PRKCA: variants seen among roughly 807,000 people sequenced by gnomAD.
PRKCA encodes protein kinase C alpha type.
In PRKCA, 27 loss-of-function variants were observed where a neutral mutation model predicts 87.0. The ratio of observed to expected loss-of-function variants is 0.31; its 90% CI spans 0.23 to 0.43. The LOEUF is 0.43. PRKCA is among the 20% of genes least tolerant of loss of function. The pLI, the probability that PRKCA is intolerant of heterozygous loss-of-function variation, is 1.00. For missense variants in PRKCA, 518 were observed against 852.3 expected, an observed-to-expected ratio of 0.61 and a Z score of 4.88; for synonymous variants, 329 against 311.1, an observed-to-expected ratio of 1.06 and a Z score of -0.61.
intron 8 of PRKCA, among the ~76,000 whole-genome samples, chr17:66,717,817 G>A (rs1201547622): frequency 1.3e-5 from 2 of 152,234 alleles, no homozygotes; most frequent in Admixed American, 1.3e-4. Flanking sequence ...CTGACAGTCT[G>A]TGGTTCTGAG....
At chr17:66,544,845 G>A (rs1397709668) in intron 3 of PRKCA, among the ~76,000 whole-genome samples, 2 of 151,736 alleles carry the variant, frequency 1.3e-5, no homozygotes, top group African/African-American at 2.4e-5. Flanking sequence ...CACCCGCCTC[G>A]GCCTCCCAAA....
At chr17:66,613,553 C>G (rs1392084990) in intron 3 of PRKCA, among the ~76,000 whole-genome samples, 2 of 152,116 alleles carry the variant, frequency 1.3e-5, no homozygotes, top group Admixed American at 6.5e-5. Flanking sequence ...CCAGGCCATG[C>G]TTTGTGCGAG....
At chr17:66,712,592 G>A (rs139857311) in intron 8 of PRKCA, among the ~76,000 whole-genome samples, 1 of 152,212 alleles carries the variant, frequency 6.6e-6, no homozygotes, top group African/African-American at 2.4e-5. Flanking sequence ...CTAATGAAGG[G>A]CTGTCCCTGT....
Position 66,559,824 on chromosome 17 carries a change from T to C in PRKCA, c.288+63541T>C, listed in dbSNP as rs147871713. On this transcript the variant is annotated intron_variant, in intron 3 of 16. Transcript: ENST00000413366. ...TTTCCTTGTATGTGGACGGCTGTAATTGGGCCCCAGTCTCTCATGTGAAAA... is the reference window on the plus strand; with the variant it reads ...TTTCCTTGTATGTGGACGGCTGTAACTGGGCCCCAGTCTCTCATGTGAAAA... 6.6e-4 allele frequency among the ~76,000 whole-genome samples: 101 copies of C among 152,290 alleles called. 1 individual carries two copies. Among genetic ancestry groups the C allele is most frequent in the Non-Finnish European group, 1.2e-3 (85 of 68,006 alleles).
At chr17:66,353,356 C>CT (rs1907866686) in intron 2 of PRKCA, among the ~76,000 whole-genome samples, 1 of 152,070 alleles carries the variant, frequency 6.6e-6, no homozygotes, top group Non-Finnish European at 1.5e-5. Context: ...ATCCTTTAGA[C>CT]GGCAGATATA....
At chr17:66,698,996 A>G (rs1273432050) in intron 8 of PRKCA, among the ~76,000 whole-genome samples, 2 of 150,768 alleles carry the variant, frequency 1.3e-5, no homozygotes, top group African/African-American at 4.9e-5. Context: ...GAAAAAAAAA[A>G]TGTCTGCAAA....
intron 15 of PRKCA, 119 bp from the exon 16 acceptor site, chr17:66,788,720 G>A (rs1233655897): frequency 8.2e-7 from 1 of 1,213,454 alleles, no homozygotes; most frequent in East Asian, 2.4e-5. Context: ...TCAGCTCTCT[G>A]AGATGCTGTC....
At chr17:66,738,340 C>A (rs1974085381) in intron 10 of PRKCA, among the ~76,000 whole-genome samples, 1 of 152,190 alleles carries the variant, frequency 6.6e-6, no homozygotes, top group East Asian at 1.9e-4. Context: ...TGGCACGCCT[C>A]CCAGACACTG....
intron 3 of PRKCA, chr17:66,640,789 G>T: frequency 3.0e-6 from 1 of 331,756 alleles, no homozygotes; most frequent in South Asian, 2.3e-5. Context: ...AGCTCCAGAA[G>T]TAATAGCTTT....
intron 2 of PRKCA, among the ~76,000 whole-genome samples, chr17:66,414,669 CT>C (rs1912030775): frequency 6.6e-6 from 1 of 152,006 alleles, no homozygotes; most frequent in Admixed American, 6.5e-5. Context: ...CCTTTTAGGA[CT>C]TTTGCTACTA....
intron 3 of PRKCA, among the ~76,000 whole-genome samples, chr17:66,569,207 G>C (rs768201010): frequency 2.0e-5 from 3 of 152,150 alleles, no homozygotes; most frequent in South Asian, 2.1e-4. Context: ...ATCAAAGAAT[G>C]AAAGGTAGAC....
chr17:66,539,270 A>G (rs1308944191), intron 3 of PRKCA, among the ~76,000 whole-genome samples: 1 of 152,218 alleles, frequency 6.6e-6, no homozygotes, highest in East Asian at 1.9e-4. Context: ...CTTTGGGTGG[A>G]GGATATTGTT....
chr17:66,418,601 T>C (rs1189419914), intron 2 of PRKCA, among the ~76,000 whole-genome samples: 1 of 151,764 alleles, frequency 6.6e-6, no homozygotes. Context: ...CACGCCTGGC[T>C]AATTTTTGTA....
intron 5 of PRKCA, among the ~76,000 whole-genome samples, chr17:66,661,471 C>T (rs1430040735): frequency 1.3e-5 from 2 of 152,212 alleles, no homozygotes; most frequent in Non-Finnish European, 2.9e-5. Flanking sequence ...TCCTTTCCTT[C>T]AACCACCTTG....
chr17:66,367,614 T>C (rs1908810760), intron 2 of PRKCA, among the ~76,000 whole-genome samples: 1 of 152,184 alleles, frequency 6.6e-6, no homozygotes, highest in African/African-American at 2.4e-5. Context: ...GGTAAAATGG[T>C]CTCATCAGGT....
chr17:66,643,286 G>T (rs965063933), intron 4 of PRKCA, among the ~76,000 whole-genome samples: 2 of 152,158 alleles, frequency 1.3e-5, no homozygotes, highest in African/African-American at 4.8e-5. Flanking sequence ...GAAGCATGCC[G>T]TTAGACACGG....
chr17:66,737,388 G>A (rs1270418360), intron 10 of PRKCA, among the ~76,000 whole-genome samples: 2 of 152,066 alleles, frequency 1.3e-5, no homozygotes, highest in African/African-American at 4.8e-5. Flanking sequence ...AAACATAGAT[G>A]TTTAGATGCC....
chr17:66,692,416 T>C (rs1288981732), intron 8 of PRKCA, among the ~76,000 whole-genome samples: 2 of 152,196 alleles, frequency 1.3e-5, no homozygotes, highest in Admixed American at 1.3e-4. Flanking sequence ...CATATTCAGA[T>C]CTGATTTTAG....
chr17:66,650,357 G>GT (rs61166214), intron 5 of PRKCA, among the ~76,000 whole-genome samples: 39,147 of 150,384 alleles, frequency 0.26, 5,121 homozygotes, highest in African/African-American at 0.28. Context: ...TGGTGTCGGG[G>GT]TTTTTTTTTC....
Sources: allele counts gnomAD v4.1 joint callset (sites outside exome capture counted in the v4.1 genomes callset), GRCh38; gene constraint gnomAD v4.1.1; transcripts MANE v1.5; gene names NCBI Gene and HGNC (gene_info 2026-07-23, HGNC 2026-07-21).